The following ARNT variants were observed in gnomAD, a reference collection of about 807,000 sequenced individuals.
The protein encoded by ARNT is class E basic helix-loop-helix protein 2.
ARNT carries 30 observed loss-of-function variants against 105.0 expected under a neutral mutation model. That is an observed-to-expected ratio of 0.29 (90% CI 0.21 to 0.39). The LOEUF (loss-of-function observed/expected upper bound fraction) is 0.39, where lower values mean the gene tolerates loss of function less well. ARNT is among the 10% of genes least tolerant of loss of function. ARNT has a pLI of 1.00. For missense variants in ARNT, 748 were observed against 978.7 expected, an observed-to-expected ratio of 0.76 and a Z score of 3.15; for synonymous variants, 304 against 344.0, an observed-to-expected ratio of 0.88 and a Z score of 1.29.
chr1:150,838,426 C>T lies in ARNT; in HGVS notation c.486+1015G>A, dbSNP rs10305686. Among the ~76,000 whole-genome samples, 1,021 of 152,320 alleles carry T rather than the reference C, an allele frequency of 6.7e-3. 16 individuals are homozygous for T. Among genetic ancestry groups the T allele is most frequent in the African/African-American group, 0.023 (968 of 41,564 alleles). On this transcript the variant is annotated intron_variant, in intron 6 of 21. Transcript: ENST00000358595. ...TCTTTCTATTTCTCACAGCACAACA[C>T]ACCTGGTTTGCCCACAAAAGGTGCA...
intron 1 of ARNT, among the ~76,000 whole-genome samples, chr1:150,865,037 T>C (rs587653454): frequency 1.5e-4 from 23 of 151,770 alleles, no homozygotes; most frequent in African/African-American, 5.5e-4. Context: ...GATGAAAATA[T>C]AAATTAAAAT....
chr1:150,865,170 A>G (rs936869208), intron 1 of ARNT, among the ~76,000 whole-genome samples: 14 of 152,196 alleles, frequency 9.2e-5, no homozygotes, highest in African/African-American at 3.4e-4. Context: ...CTAAAATTTT[A>G]AACTATGCAA....
chr1:150,832,188 T>G (rs1169855371), intron 9 of ARNT, 146 bp downstream of exon 9: 1 of 831,744 alleles, frequency 1.2e-6, no homozygotes, highest in Non-Finnish European at 2.0e-6. Context: ...AGAAAAAAAG[T>G]AAGTGGGAGG....
chr1:150,839,992 GC>G (rs1660994099), intron 5 of ARNT, among the ~76,000 whole-genome samples: 2 of 152,198 alleles, frequency 1.3e-5, no homozygotes, highest in African/African-American at 4.8e-5. Flanking sequence ...TGTAATCCCA[GC>G]ACTTTGGGAG....
Position 150,839,667 on chromosome 1 carries a change from A to C in ARNT, c.273-13T>G. On this transcript the variant is annotated splice_polypyrimidine_tract_variant and intron_variant, in intron 5 of 21. Transcript: ENST00000358595. ...ACTGTGATTTTCCCTGCATGGAAAG[A>C]AAGAGAAGCCCCATCCAGGTGGTCA... 6.2e-7 allele frequency: 1 copy of C among 1,609,116 alleles called. No homozygotes were observed. The highest frequency in any genetic ancestry group is 8.5e-7 in the Non-Finnish European group (1 of 1,177,620).
chr1:150,832,698 C>T (rs764940535), intron 8 of ARNT, among the ~76,000 whole-genome samples: 1 of 152,108 alleles, frequency 6.6e-6, no homozygotes, highest in African/African-American at 2.4e-5. Flanking sequence ...AAGTCTGTTG[C>T]AACTAGTCAA....
intron 3 of ARNT, among the ~76,000 whole-genome samples, 158 bp downstream of exon 3, chr1:150,852,604 G>A (rs755820540): frequency 2.0e-5 from 3 of 151,930 alleles, no homozygotes; most frequent in Non-Finnish European, 4.4e-5. Context: ...AGATATTAAC[G>A]GAATGCTTAA....
intron 2 of ARNT, among the ~76,000 whole-genome samples, chr1:150,855,506 G>A (rs1417559455): frequency 2.0e-5 from 3 of 151,910 alleles, no homozygotes; most frequent in Non-Finnish European, 4.4e-5. Context: ...AGCTTGCAGT[G>A]AGCCAAGATC....
At chr1:150,861,907 A>T (rs1384167674) in intron 1 of ARNT, among the ~76,000 whole-genome samples, 1 of 152,180 alleles carries the variant, frequency 6.6e-6, no homozygotes, top group Non-Finnish European at 1.5e-5. Context: ...AAGTTAGATT[A>T]TTTTGCCCAC....
At chr1:150,821,375 G>GAA (rs1657025078) in intron 14 of ARNT, among the ~76,000 whole-genome samples, 1 of 152,168 alleles carries the variant, frequency 6.6e-6, no homozygotes, top group Non-Finnish European at 1.5e-5. Context: ...TGAAAAATAT[G>GAA]CAAGAACCAT....
At chr1:150,817,842 G>T in intron 15 of ARNT, 78 bp downstream of exon 15, 2 of 1,059,446 alleles carry the variant, frequency 1.9e-6, no homozygotes, top group Non-Finnish European at 2.7e-6. Flanking sequence ...TTAACCAACC[G>T]AACAAAAAAT....
At chr1:150,841,119 T>A (rs1300561458) in intron 5 of ARNT, among the ~76,000 whole-genome samples, 8 of 151,192 alleles carry the variant, frequency 5.3e-5, no homozygotes, top group Admixed American at 2.0e-4. Context: ...CAGTTTTTTT[T>A]TTTTTTATTT....
At chr1:150,855,382 G>A (rs1412718822) in intron 2 of ARNT, among the ~76,000 whole-genome samples, 5 of 150,706 alleles carry the variant, frequency 3.3e-5, no homozygotes, top group South Asian at 2.1e-4. Flanking sequence ...GTAAAACCCC[G>A]TCTCTACTAA....
rs897573944 is a variant in ARNT at position 150,819,603 on chromosome 1, A to G, written c.1395-1573T>C. Among the ~76,000 whole-genome samples, 6 of 152,260 alleles carry G rather than the reference A, an allele frequency of 3.9e-5. 1 individual carries two copies. Among genetic ancestry groups the G allele is most frequent in the African/African-American group, 1.4e-4 (6 of 41,478 alleles). On this transcript the variant is annotated intron_variant, in intron 14 of 21. Transcript: ENST00000358595. ...ATAAAAAGAAATGAAGTACTGATAC[A>G]TGCTACAACATGTATCAGTACAGAT... is the stretch of plus-strand genomic sequence containing the variant.
Position 150,811,929 on chromosome 1 carries a change from G to A in ARNT, c.*92C>T. ...GTCAGGGGTGAGGGAAGGGAAGGGA[G>A]AGGAACTTTTATTCTGTTTACAGAA... On this transcript the variant is annotated 3_prime_UTR_variant, in exon 22 of 22. Transcript: ENST00000358595. The A allele has an allele frequency of 1.0e-6, 1 of 994,740 alleles. No homozygotes were observed. Among genetic ancestry groups the A allele is most frequent in the Admixed American group, 3.2e-5 (1 of 30,966 alleles). The allele number at this position is 994,740 out of a possible 1,614,324, so 61.6% of individuals were successfully genotyped here. A position where few individuals can be genotyped will look rare whatever the true frequency, so the allele number is the denominator to read the frequency against.
intron 2 of ARNT, among the ~76,000 whole-genome samples, chr1:150,857,134 A>G (rs1180639107): frequency 6.6e-6 from 1 of 152,238 alleles, no homozygotes; most frequent in Non-Finnish European, 1.5e-5. Flanking sequence ...TACATGTTAT[A>G]CATATCTTTT....
At position 150,853,589 on chromosome 1, in the gene ARNT, T is replaced by C. The variant is rs587726709; in HGVS notation, c.138-783A>G. Among the ~76,000 whole-genome samples the C allele has an allele frequency of 9.9e-4, 151 of 152,342 alleles. 1 individual carries two copies. Among genetic ancestry groups the C allele is most frequent in the African/African-American group, 3.3e-3 (139 of 41,584 alleles). On this transcript the variant is annotated intron_variant, in intron 2 of 21. Transcript: ENST00000358595. ...TGTTAGATAATGTTTCTTTCCTTCA[T>C]TGATCTAATAAACATGTAATATATA...
chr1:150,853,255 T>C, intron 2 of ARNT: 1 of 373,402 alleles, frequency 2.7e-6, no homozygotes, highest in East Asian at 9.8e-5. Flanking sequence ...CACTCAAGCC[T>C]GGGCGACAAC....
intron 12 of ARNT, among the ~76,000 whole-genome samples, chr1:150,828,358 T>G (rs1399748744): frequency 6.6e-6 from 1 of 150,482 alleles, no homozygotes; most frequent in Non-Finnish European, 1.5e-5. Context: ...TTGTTTTTTT[T>G]TTTTTTTGCA....
Sources: allele counts gnomAD v4.1 joint callset (sites outside exome capture counted in the v4.1 genomes callset), GRCh38; gene constraint gnomAD v4.1.1; transcripts MANE v1.5; gene names NCBI Gene and HGNC (gene_info 2026-07-23, HGNC 2026-07-21).